Variants in PLPPR1 observed in about 807,000 individuals in gnomAD.
PLPPR1 encodes the protein phospholipid phosphatase-related protein type 1.
Under a neutral mutation model 33.1 loss-of-function variants are expected in PLPPR1, and 10 were observed. That is an observed-to-expected ratio of 0.30 (90% CI 0.19 to 0.51). PLPPR1 has a LOEUF of 0.51. PLPPR1 is among the 20% of genes least tolerant of loss of function. The pLI is 0.97. For synonymous variants in PLPPR1, 151 were observed against 151.0 expected (o/e 1.00, Z 0.00); for missense variants, 304 against 408.1 (o/e 0.74, Z 2.20).
intron 1 of PLPPR1, among the ~76,000 whole-genome samples, chr9:101,082,826 A>G (rs866452798): frequency 1.3e-5 from 2 of 152,142 alleles, no homozygotes; most frequent in South Asian, 2.1e-4. Context: ...CAGCCTTCTT[A>G]CTTGTAAAAT....
intron 1 of PLPPR1, among the ~76,000 whole-genome samples, chr9:101,129,081 C>T (rs1831282921): frequency 6.6e-6 from 1 of 152,022 alleles, no homozygotes; most frequent in African/African-American, 2.4e-5. Flanking sequence ...ATTGTCTCCC[C>T]AGGTAGATTT....
At chr9:101,204,722 C>T (rs78730345) in intron 2 of PLPPR1, among the ~76,000 whole-genome samples, 2 of 152,036 alleles carry the variant, frequency 1.3e-5, no homozygotes, top group Admixed American at 1.3e-4. Flanking sequence ...TCTTACTGGG[C>T]TACTATGAAT....
intron 1 of PLPPR1, among the ~76,000 whole-genome samples, chr9:101,172,664 A>G (rs572284398): frequency 1.6e-4 from 24 of 152,164 alleles, no homozygotes; most frequent in African/African-American, 5.8e-4. Context: ...CAAACCCCCA[A>G]GTGCTCTCTC....
intron 2 of PLPPR1, among the ~76,000 whole-genome samples, chr9:101,244,300 G>A (rs1827540030): frequency 6.6e-6 from 1 of 151,982 alleles, no homozygotes; most frequent in Non-Finnish European, 1.5e-5. Flanking sequence ...TCAAAGCATG[G>A]CTTTATTTTT....
At chr9:101,099,070 A>G (rs2993805) in intron 1 of PLPPR1, among the ~76,000 whole-genome samples, 63,524 of 150,484 alleles carry the variant, frequency 0.42, 13,688 homozygotes, top group Non-Finnish European at 0.47. Context: ...TCAATTTTCT[A>G]TAAAATAAGT....
At chr9:101,280,019 T>C (rs1392256342) in intron 3 of PLPPR1, among the ~76,000 whole-genome samples, 1 of 152,082 alleles carries the variant, frequency 6.6e-6, no homozygotes, top group Non-Finnish European at 1.5e-5. Flanking sequence ...AAAGTTGGTT[T>C]TTTGAAAGGA....
At chr9:101,042,076 A>G (rs1830084301) in intron 1 of PLPPR1, among the ~76,000 whole-genome samples, 1 of 152,146 alleles carries the variant, frequency 6.6e-6, no homozygotes, top group Non-Finnish European at 1.5e-5. Flanking sequence ...GAACAGAGAG[A>G]AGAGAAATTT....
chr9:101,109,257 A>T (rs1831020508), intron 1 of PLPPR1, among the ~76,000 whole-genome samples: 1 of 149,684 alleles, frequency 6.7e-6, no homozygotes, highest in South Asian at 2.1e-4. Flanking sequence ...TACAGGTGTG[A>T]GCCACCGCGC....
At chr9:101,235,998 A>G (rs1219459158) in intron 2 of PLPPR1, among the ~76,000 whole-genome samples, 2 of 151,800 alleles carry the variant, frequency 1.3e-5, no homozygotes, top group Non-Finnish European at 2.9e-5. Context: ...CTGTTACATT[A>G]TATTTATATT....
chr9:101,142,906 G>T (rs750692938), intron 1 of PLPPR1, among the ~76,000 whole-genome samples: 4 of 152,156 alleles, frequency 2.6e-5, no homozygotes, highest in Non-Finnish European at 4.4e-5. Context: ...AAACTCCAGA[G>T]AGTGGGGTAT....
At chr9:101,310,908 A>G (rs958828301) in intron 5 of PLPPR1, among the ~76,000 whole-genome samples, 1 of 152,244 alleles carries the variant, frequency 6.6e-6, no homozygotes, top group Admixed American at 6.5e-5. Context: ...TTTACAAAAC[A>G]GATTATAGCT....
At chr9:101,192,603 A>T (rs1412970167) in intron 2 of PLPPR1, among the ~76,000 whole-genome samples, 1 of 152,136 alleles carries the variant, frequency 6.6e-6, no homozygotes, top group African/African-American at 2.4e-5. Flanking sequence ...TTAACATGAA[A>T]ATAATGAAAA....
At chr9:101,047,683 C>T (rs572263393) in intron 1 of PLPPR1, among the ~76,000 whole-genome samples, 1 of 152,246 alleles carries the variant, frequency 6.6e-6, no homozygotes, top group East Asian at 1.9e-4. Context: ...ATGTGATTTC[C>T]TCAGTATTTG....
intron 4 of PLPPR1, among the ~76,000 whole-genome samples, chr9:101,302,638 A>C (rs1828775070): frequency 6.6e-6 from 1 of 152,222 alleles, no homozygotes; most frequent in Non-Finnish European, 1.5e-5. Flanking sequence ...TTGGGGAAAC[A>C]GTGTTAAGAA....
chr9:101,212,395 C>T (rs1341438167), intron 2 of PLPPR1, among the ~76,000 whole-genome samples: 1 of 152,076 alleles, frequency 6.6e-6, no homozygotes, highest in African/African-American at 2.4e-5. Context: ...ATCTTTTGCT[C>T]TTCACTCACA....
At position 101,079,682 on chromosome 9, in the gene PLPPR1, C is replaced by T. The variant is rs142339218; in HGVS notation, c.-46+50580C>T. Among the ~76,000 whole-genome samples, 209 of 151,996 alleles carry T rather than the reference C, an allele frequency of 1.4e-3. 1 individual carries two copies. The highest frequency in any genetic ancestry group is 4.5e-3 in the African/African-American group (186 of 41,436). Reference sequence around the variant, plus strand: ...GCAACCTCTGTCTCCCAGGTTCACGCGATTCTCCTGCCTCAGCCTCCTGAG... The same window carrying T: ...GCAACCTCTGTCTCCCAGGTTCACGTGATTCTCCTGCCTCAGCCTCCTGAG... On this transcript the variant is annotated intron_variant, in intron 1 of 7. Transcript: ENST00000374874.
chr9:101,305,876 G>T (rs879444437), intron 4 of PLPPR1, among the ~76,000 whole-genome samples: 3 of 152,168 alleles, frequency 2.0e-5, no homozygotes, highest in Admixed American at 2.0e-4. Flanking sequence ...AGGGATCAAA[G>T]ATCCTAACTT....
chr9:101,061,460 C>T (rs1351967177), intron 1 of PLPPR1, among the ~76,000 whole-genome samples: 1 of 151,946 alleles, frequency 6.6e-6, no homozygotes, highest in African/African-American at 2.4e-5. Flanking sequence ...TGACAGCTGA[C>T]TAAAAAGCAG....
intron 1 of PLPPR1, among the ~76,000 whole-genome samples, chr9:101,180,155 CACACACAT>C (rs1280535341): frequency 2.7e-4 from 37 of 135,186 alleles, no homozygotes; most frequent in African/African-American, 9.9e-4. Context: ...CACACACACA[CACACACAT>C]ACACACACAC....
Sources: allele counts gnomAD v4.1 joint callset (sites outside exome capture counted in the v4.1 genomes callset), GRCh38; gene constraint gnomAD v4.1.1; transcripts MANE v1.5; gene names NCBI Gene and HGNC (gene_info 2026-07-23, HGNC 2026-07-21).